Variants in GTF2F2 observed in about 807,000 individuals in gnomAD.
The protein encoded by GTF2F2 is ATP-dependent helicase GTF2F2.
A neutral mutation model predicts 42.2 loss-of-function variants in GTF2F2; 23 were observed. The ratio of observed to expected loss-of-function variants is 0.55; its 90% CI spans 0.39 to 0.77. The LOEUF (loss-of-function observed/expected upper bound fraction) is 0.77, where lower values mean the gene tolerates loss of function less well. Among genes scored for constraint, GTF2F2 ranks in the 30% least tolerant of loss-of-function variants. The pLI, the probability that GTF2F2 is intolerant of heterozygous loss-of-function variation, is 0.00. For missense variants in GTF2F2, 261 were observed against 287.2 expected, an observed-to-expected ratio of 0.91 and a Z score of 0.66; for synonymous variants, 105 against 100.8, an observed-to-expected ratio of 1.04 and a Z score of -0.25.
intron 4 of GTF2F2, among the ~76,000 whole-genome samples, chr13:45,190,455 C>T (rs1417905768): frequency 1.3e-5 from 2 of 152,138 alleles, no homozygotes; most frequent in Admixed American, 6.6e-5. Flanking sequence ...CAAAATCAGA[C>T]GTGGTTTCTG....
chr13:45,177,572 C>G (rs1871943840), intron 4 of GTF2F2, among the ~76,000 whole-genome samples: 1 of 152,122 alleles, frequency 6.6e-6, no homozygotes, highest in Admixed American at 6.5e-5. Flanking sequence ...GGTTATCAGA[C>G]AGACTGTCTT....
At chr13:45,206,977 G>T (rs1873438006) in intron 4 of GTF2F2, 1 of 148,730 alleles carries the variant, frequency 6.7e-6, no homozygotes, top group South Asian at 2.1e-4. Flanking sequence ...TAGTCACAAG[G>T]TACTTGAGAA....
chr13:45,193,544 A>C (rs1482415414), intron 4 of GTF2F2: 1 of 390,400 alleles, frequency 2.6e-6, no homozygotes, highest in African/African-American at 2.1e-5. Flanking sequence ...TTCAGTCTTT[A>C]TTTACAGTAT....
intron 7 of GTF2F2, among the ~76,000 whole-genome samples, 195 bp from the exon 8 acceptor site, chr13:45,283,247 T>C (rs1385644471): frequency 1.3e-5 from 2 of 152,204 alleles, no homozygotes; most frequent in Non-Finnish European, 2.9e-5. Context: ...CATGATCATA[T>C]ATTTAGTGCA....
chr13:45,223,453 G>C (rs1000336988), intron 5 of GTF2F2, among the ~76,000 whole-genome samples: 1 of 151,990 alleles, frequency 6.6e-6, no homozygotes. Context: ...TGGAGGGAGT[G>C]GGGGTGGTGA....
intron 4 of GTF2F2, among the ~76,000 whole-genome samples, chr13:45,198,726 C>T (rs1226999837): frequency 5.2e-4 from 79 of 151,502 alleles, no homozygotes; most frequent in Non-Finnish European, 8.8e-5. Flanking sequence ...GTTTATTGAT[C>T]TGTGTTTTGA....
Position 45,151,751 on chromosome 13 carries a change from T to A in GTF2F2, c.224T>A (p.Val75Asp). 6.3e-7 allele frequency: 1 copy of A among 1,599,050 alleles called. No homozygotes were observed. Among genetic ancestry groups the A allele is most frequent in the Non-Finnish European group, 8.6e-7 (1 of 1,168,550 alleles). The change falls in exon 4 of 8, where the codon GTC (valine) becomes GAC (aspartate). Residue 75 changes from valine to aspartate, a missense_variant. By Grantham distance (152) the Val-to-Asp change is radical. Coordinates refer to ENST00000340473, the MANE Select transcript of GTF2F2 (RefSeq NM_004128.3). ...GATATTGGTGGAAAACCAGCTTCAG[T>A]CAGTGCTCCTAGAGAACATCCATTT... is the stretch of plus-strand genomic sequence containing the variant. ...IHDIGGKPAS[V>D]SAPREHPFVL...
chr13:45,196,998 C>A (rs2138177173), intron 4 of GTF2F2, among the ~76,000 whole-genome samples: 1 of 152,082 alleles, frequency 6.6e-6, no homozygotes, highest in Non-Finnish European at 1.5e-5. Flanking sequence ...GACTCTGAAC[C>A]ATTCCATCTT....
In GTF2F2 at chr13:45,255,166, CAAAAAAAAAAAA is replaced by C. The variant is rs55795620; in HGVS notation, c.486+2209_486+2220del. On this transcript the variant is annotated intron_variant, in intron 6 of 7. Transcript: ENST00000340473. ...GGGGGACAAGAGTGAGACTTTGTCTCAAAAAAAAAAAAAAAAAAAAAAAAGACTAGCCTTTAG... is the reference window on the plus strand; with the variant it reads ...GGGGGACAAGAGTGAGACTTTGTCTCAAAAAAAAAAAAGACTAGCCTTTAG... Among the ~76,000 whole-genome samples the C allele has an allele frequency of 7.9e-5, 6 of 76,096 alleles. No individual in the cohort carries two copies. In the South Asian group the frequency reaches 1.5e-3, roughly 20 times the overall value. 49.9% of individuals were successfully genotyped at this position (76,096 alleles called of 152,430 possible). A position where few individuals can be genotyped will look rare whatever the true frequency, so the allele number is the denominator to read the frequency against.
chr13:45,138,431 C>T (rs1036678795), intron 2 of GTF2F2, among the ~76,000 whole-genome samples: 3 of 152,102 alleles, frequency 2.0e-5, no homozygotes, highest in Non-Finnish European at 4.4e-5. Flanking sequence ...TAGAATTGAC[C>T]GCTGATCTAG....
At chr13:45,269,266 AAATCCTCAGTC>A (rs1876690988) in intron 7 of GTF2F2, among the ~76,000 whole-genome samples, 1 of 152,224 alleles carries the variant, frequency 6.6e-6, no homozygotes, top group African/African-American at 2.4e-5. Context: ...TGAAAAAAGA[AAATCCTCAGTC>A]TCCAAGGGCC....
chr13:45,149,927 A>G, intron 3 of GTF2F2, 139 bp downstream of exon 3: 1 of 703,396 alleles, frequency 1.4e-6, no homozygotes, highest in Non-Finnish European at 2.1e-6. Context: ...AAAGGTATAA[A>G]TGCCACCCTT....
At chr13:45,196,023 T>G (rs891341209) in intron 4 of GTF2F2, among the ~76,000 whole-genome samples, 4 of 152,232 alleles carry the variant, frequency 2.6e-5, no homozygotes, top group Admixed American at 2.0e-4. Flanking sequence ...ATTATTTAAC[T>G]GTATGTTGAC....
chr13:45,126,466 G>A (rs567541946), intron 1 of GTF2F2, among the ~76,000 whole-genome samples: 35 of 152,080 alleles, frequency 2.3e-4, no homozygotes, highest in Non-Finnish European at 4.1e-4. Flanking sequence ...TAGCCAGGAT[G>A]GTCTCAAACT....
At chr13:45,162,997 CATT>C (rs962242023) in intron 4 of GTF2F2, among the ~76,000 whole-genome samples, 10 of 145,866 alleles carry the variant, frequency 6.9e-5, no homozygotes, top group African/African-American at 2.5e-4. Flanking sequence ...TATTGTGACT[CATT>C]ATGACTAGTC....
intron 3 of GTF2F2, 119 bp from the exon 4 acceptor site, chr13:45,151,568 G>T (rs938988070): frequency 1.5e-5 from 9 of 600,152 alleles, no homozygotes; most frequent in Non-Finnish European, 2.5e-5. Context: ...TTTTAATAAA[G>T]TGTTTAATGA....
At chr13:45,274,573 C>T (rs549864071) in intron 7 of GTF2F2, among the ~76,000 whole-genome samples, 1 of 152,186 alleles carries the variant, frequency 6.6e-6, no homozygotes, top group African/African-American at 2.4e-5. Context: ...TCGTGATCCG[C>T]CCACCTTGAC....
At chr13:45,180,914 C>A (rs940097006) in intron 4 of GTF2F2, among the ~76,000 whole-genome samples, 17 of 152,042 alleles carry the variant, frequency 1.1e-4, no homozygotes, top group Non-Finnish European at 2.1e-4. Context: ...ATAATCCCAG[C>A]ACTTTGGGAG....
chr13:45,217,076 G>A (rs1282707972), intron 5 of GTF2F2, among the ~76,000 whole-genome samples: 2 of 151,654 alleles, frequency 1.3e-5, no homozygotes, highest in Non-Finnish European at 1.5e-5. Flanking sequence ...CGAGGCAGGT[G>A]AATCATGAGG....
Sources: gnomAD v4.1 joint callset for allele counts (sites outside exome capture counted in the v4.1 genomes callset) on GRCh38, gnomAD v4.1.1 for gene constraint, MANE v1.5 for transcripts, NCBI Gene and HGNC (gene_info 2026-07-23, HGNC 2026-07-21) for gene names.